Variants in TMEM231 observed in about 807,000 individuals in gnomAD.
TMEM231 encodes the protein transmembrane protein 231.
Under a neutral mutation model 38.5 loss-of-function variants are expected in TMEM231, and 40 were observed. The ratio of observed to expected loss-of-function variants is 1.04; its 90% CI spans 0.81 to 1.35. The LOEUF (loss-of-function observed/expected upper bound fraction) is 1.35. Ranked by LOEUF, TMEM231 falls within the 40% of genes most tolerant of loss-of-function variation. TMEM231 has a pLI of 0.00. For synonymous variants in TMEM231, 199 were observed against 181.7 expected (o/e 1.10, Z -0.77); for missense variants, 420 against 416.9 (o/e 1.01, Z -0.07).
chr16:75,538,452 C>T lies in TMEM231; in HGVS notation c.*1542G>A, dbSNP rs1025427747. The stretch of plus-strand genomic sequence containing the variant: ...TCTCATTGCCTTATGTGAATTTAAA[C>T]AAGAAACTATTTTTCGTTTAGATCT... On this transcript the variant is annotated 3_prime_UTR_variant, in exon 7 of 7. Coordinates refer to ENST00000258173, the MANE Select transcript of TMEM231 (RefSeq NM_001077418.3). The T allele has an allele frequency of 1.3e-5, 2 of 151,994 alleles. No individual in the cohort carries two copies. Among genetic ancestry groups the T allele is most frequent in the Admixed American group, 6.6e-5 (1 of 15,264 alleles). 9.4% of individuals were successfully genotyped at this position (151,994 alleles called of 1,614,324 possible). A position where few individuals can be genotyped will look rare whatever the true frequency, so the allele number is the denominator to read the frequency against.
intron 2 of TMEM231, among the ~76,000 whole-genome samples, chr16:75,551,722 G>A (rs2080763821): frequency 6.6e-6 from 1 of 152,148 alleles, no homozygotes; most frequent in African/African-American, 2.4e-5. Flanking sequence ...AGCACTTTGG[G>A]AAGCCGAGGT....
chr16:75,553,621 C>CAAA (rs60225459), intron 2 of TMEM231, among the ~76,000 whole-genome samples: 2 of 91,616 alleles, frequency 2.2e-5, no homozygotes, highest in African/African-American at 6.9e-5. Context: ...AACTCTGTTG[C>CAAA]AAAAAAAAAA....
intron 2 of TMEM231, among the ~76,000 whole-genome samples, chr16:75,552,789 A>C (rs1442446745): frequency 6.6e-6 from 1 of 152,160 alleles, no homozygotes; most frequent in Non-Finnish European, 1.5e-5. Context: ...CCTTGCCAAC[A>C]GTTGATAACC....
Position 75,541,383 on chromosome 16 carries a change from T to C in TMEM231, c.737A>G (p.Asn246Ser). The C allele has an allele frequency of 6.2e-7, 1 of 1,612,044 alleles. No homozygotes were observed. The highest frequency in any genetic ancestry group is 8.5e-7 in the Non-Finnish European group (1 of 1,178,794). The change falls in exon 6 of 7, where the codon AAT (asparagine) becomes AGT (serine). Residue 246 changes from asparagine (N) to serine (S), a missense_variant. Physicochemically the swap from Asn to Ser is conservative, Grantham distance 46. Transcript: ENST00000258173. ...TTCCACAGGGTATCGGATGATAGCA[T>C]TAATCACAAATGGAGCATCTGCGGC... ...GRAADAPFVI[N>S]AIIRYPVEVI...
intron 3 of TMEM231, 84 bp downstream of exon 3, chr16:75,545,742 C>T (rs1327063092): frequency 4.2e-5 from 27 of 642,366 alleles, no homozygotes; most frequent in East Asian, 3.2e-4. Flanking sequence ...CGCTAGAGTG[C>T]GGGTCTTCTA....
Position 75,541,409 on chromosome 16 carries a change from C to T in TMEM231, c.711G>A (p.Arg237=), listed in dbSNP as rs2151698799. ...TAATCACAAATGGAGCATCTGCGGC[C>T]CTGCCCACCAGCCAGATGGGGTTGG... The part of the protein sequence containing the change: ...NDPNPIWLVG[R]AADAPFVINA... The change falls in exon 6 of 7, where the codon AGG becomes AGA. Residue 237 remains arginine, a synonymous_variant. Coordinates refer to ENST00000258173, the MANE Select transcript of TMEM231 (RefSeq NM_001077418.3). 3.1e-6 allele frequency: 5 copies of T among 1,612,246 alleles called. No homozygotes were observed. Among genetic ancestry groups the T allele is most frequent in the Non-Finnish European group, 4.2e-6 (5 of 1,178,980 alleles).
At chr16:75,543,060 G>A (rs555187712) in intron 4 of TMEM231, among the ~76,000 whole-genome samples, 17 of 152,120 alleles carry the variant, frequency 1.1e-4, no homozygotes, top group South Asian at 1.0e-3. Flanking sequence ...TTATCTCAGC[G>A]GGAGAAAGAA....
At chr16:75,546,000 T>A in intron 2 of TMEM231, 46 bp from the exon 3 acceptor site, 1 of 1,559,646 alleles carries the variant, frequency 6.4e-7, no homozygotes, top group Non-Finnish European at 8.7e-7. Flanking sequence ...CTAATGAGTC[T>A]GGGAGGAATC....
intron 2 of TMEM231, 198 bp from the exon 3 acceptor site, chr16:75,546,152 C>T: frequency 6.7e-7 from 1 of 1,501,302 alleles, no homozygotes; most frequent in Non-Finnish European, 9.0e-7. Context: ...CCCTGAACTT[C>T]ATATCTGGGC....
At chr16:75,542,514 C>T (rs1275954367) in intron 5 of TMEM231, 88 bp downstream of exon 5, 1 of 1,107,064 alleles carries the variant, frequency 9.0e-7, no homozygotes, top group Non-Finnish European at 1.4e-6. Context: ...ATTTTCATCA[C>T]AAGGGTTCCA....
chr16:75,554,545 C>CAAAAAAAAAAAA (rs1185694717), intron 2 of TMEM231, among the ~76,000 whole-genome samples: 2 of 94,100 alleles, frequency 2.1e-5, no homozygotes, highest in African/African-American at 7.9e-5. Context: ...GACTGTGTCT[C>CAAAAAAAAAAAA]AAAAAAAAAA....
intron 2 of TMEM231, 192 bp from the exon 3 acceptor site, chr16:75,546,146 G>A: frequency 6.6e-7 from 1 of 1,517,374 alleles, no homozygotes; most frequent in East Asian, 2.6e-5. Context: ...CATGGTCCCT[G>A]AACTTCATAT....
intron 4 of TMEM231, among the ~76,000 whole-genome samples, chr16:75,543,909 G>GT (rs1171479054): frequency 6.6e-6 from 1 of 152,192 alleles, no homozygotes; most frequent in African/African-American, 2.4e-5. Context: ...GTTTATGGCT[G>GT]TAATAACCGA....
rs2080592396 is a variant in TMEM231, at chr16:75,539,147, AAGG to A, written c.*844_*846del. ...CTTTGCAGGAAGGGGGAGGGCTGTC[AAGG>A]AGGAGGAGGGCCAAGTGCCCAGGCT... On this transcript the variant is annotated 3_prime_UTR_variant, in exon 7 of 7. Transcript: ENST00000258173. 6.6e-6 allele frequency: 1 copy of A among 151,500 alleles called. No homozygotes were observed. Among genetic ancestry groups the A allele is most frequent in the Non-Finnish European group, 1.5e-5 (1 of 67,840 alleles). The allele number at this position is 151,500 out of a possible 1,614,324, so 9.4% of individuals were successfully genotyped here.
chr16:75,542,677 C>A lies in TMEM231; in HGVS notation c.589G>T (p.Val197Leu). The stretch of plus-strand genomic sequence containing the variant: ...GCAAAGGGGCTGGTCCCGTTGATCA[C>A]GGATATCTGGGACACGGGAGGAGGA... ...GGLDARYNIS[V>L]INGTSPFAYD... is the part of the protein sequence containing the mutation. Residue 197 changes from valine (V) to leucine (L), a missense_variant, in exon 5 of 7, where the codon GTG becomes TTG. Coordinates refer to ENST00000258173, the MANE Select transcript of TMEM231 (RefSeq NM_001077418.3). The A allele has an allele frequency of 1.2e-6, 2 of 1,613,786 alleles. No individual in the cohort carries two copies. The highest frequency in any genetic ancestry group is 1.7e-6 in the Non-Finnish European group (2 of 1,179,802).
At chr16:75,554,792 T>A (rs1242371208) in intron 2 of TMEM231, 1 of 152,204 alleles carries the variant, frequency 6.6e-6, no homozygotes, top group Non-Finnish European at 1.5e-5. Flanking sequence ...AGGAGAAAAG[T>A]AACCTGAATC....
intron 2 of TMEM231, 143 bp from the exon 3 acceptor site, chr16:75,546,097 A>C: frequency 6.5e-7 from 1 of 1,543,906 alleles, no homozygotes; most frequent in African/African-American, 1.4e-5. Flanking sequence ...AAAAGCAGAT[A>C]GATGTAAGTG....
Position 75,538,982 on chromosome 16 carries a change from G to T in TMEM231, c.*1012C>A, listed in dbSNP as rs1035353927. The T allele has an allele frequency of 6.6e-6, 1 of 152,280 alleles. No individual in the cohort carries two copies. Among genetic ancestry groups the T allele is most frequent in the African/African-American group, 2.4e-5 (1 of 41,436 alleles). 9.4% of individuals were successfully genotyped at this position (152,280 alleles called of 1,614,324 possible). A position where few individuals can be genotyped will look rare whatever the true frequency, so the allele number is the denominator to read the frequency against. ...TGCTTCTTGTGTCCTTCCCAAAGCT[G>T]CCCGCCCCACTCTGATGGGCACCCT... On this transcript the variant is annotated 3_prime_UTR_variant, in exon 7 of 7. Coordinates refer to ENST00000258173, the MANE Select transcript of TMEM231 (RefSeq NM_001077418.3).
At chr16:75,541,629 A>C (rs2080629509) in intron 5 of TMEM231, 174 bp from the exon 6 acceptor site, 1 of 422,262 alleles carries the variant, frequency 2.4e-6, no homozygotes, top group Non-Finnish European at 4.2e-6. Flanking sequence ...TTGTTAAAAT[A>C]ATAGTCAAAA....
Sources: gnomAD v4.1 joint callset for allele counts (sites outside exome capture counted in the v4.1 genomes callset) on GRCh38, gnomAD v4.1.1 for gene constraint, MANE v1.5 for transcripts, NCBI Gene and HGNC (gene_info 2026-07-23, HGNC 2026-07-21) for gene names.